NBAS: variants seen among roughly 807,000 people sequenced by gnomAD.
NBAS encodes NBAS subunit of NRZ tethering complex, also known as NAG/BC035112 fusion.
NBAS carries 219 observed loss-of-function variants against 302.5 expected under a neutral mutation model. The observed-to-expected ratio is 0.72, with a 90% CI of 0.65 to 0.81. The LOEUF (loss-of-function observed/expected upper bound fraction) is 0.81. Ranked by LOEUF, NBAS falls within the 30% of genes least tolerant of loss-of-function variation. NBAS has a pLI of 0.00. For synonymous variants in NBAS, 1,118 were observed against 1,021.6 expected, an observed-to-expected ratio of 1.09 and a Z score of -1.80; for missense variants, 2,932 against 2,841.6, an observed-to-expected ratio of 1.03 and a Z score of -0.72.
chr2:15,055,500 T>C, the NBAS span, among the ~76,000 whole-genome samples: 2 of 151,416 alleles, frequency 1.3e-5, no homozygotes, highest in Non-Finnish European at 2.9e-5. Context: ...CTTCTCCAGC[T>C]GGGGGGCGGG....
At chr2:14,874,215 T>C in the NBAS span, among the ~76,000 whole-genome samples, 2 of 152,012 alleles carry the variant, frequency 1.3e-5, no homozygotes, top group South Asian at 2.1e-4. Context: ...TCAAAAGAAA[T>C]AGGTAAATCA....
rs1670082093 is a variant in NBAS at position 15,287,173 on chromosome 2, C to T, written c.5038G>A (p.Glu1680Lys). 6.2e-7 allele frequency: 1 copy of T among 1,613,326 alleles called. No homozygotes were observed. The highest frequency in any genetic ancestry group is 1.1e-5 in the South Asian group (1 of 91,066). ...GAAATAGCAATGCTGTAGACGCTTT[C>T]CTCTAGAGTTCTGCAGAAATGTCCA... The part of the protein sequence containing the change: ...TILGLAETLE[E>K]SVYSIAISLA... Residue 1680 changes from glutamate (E) to lysine (K), a missense_variant, in exon 42 of 52, where the codon GAA (glutamate) becomes AAA (lysine). Glu to Lys is a moderately conservative substitution (Grantham distance 56, BLOSUM62 1). Coordinates refer to ENST00000281513, the MANE Select transcript of NBAS (RefSeq NM_015909.4).
intron 44 of NBAS, among the ~76,000 whole-genome samples, chr2:15,241,034 T>C (rs551325605): frequency 8.2e-4 from 125 of 152,094 alleles, no homozygotes; most frequent in Admixed American, 2.0e-3. Flanking sequence ...TCCAGAACAC[T>C]TGGTTACCAA....
chr2:14,931,582 T>A, the NBAS span, among the ~76,000 whole-genome samples: 2 of 152,202 alleles, frequency 1.3e-5, no homozygotes, highest in African/African-American at 4.8e-5. Flanking sequence ...CCCCAGTGTA[T>A]CCATGTCCTG....
At chr2:15,519,322 A>G (rs1284606570) in intron 9 of NBAS, among the ~76,000 whole-genome samples, 1 of 152,236 alleles carries the variant, frequency 6.6e-6, no homozygotes, top group Non-Finnish European at 1.5e-5. Context: ...GGGGGCTTGC[A>G]TTCCTTCTGT....
chr2:15,476,945 C>T (rs928202547), intron 13 of NBAS, among the ~76,000 whole-genome samples: 1 of 152,144 alleles, frequency 6.6e-6, no homozygotes, highest in Admixed American at 6.5e-5. Flanking sequence ...ATGAGACTAA[C>T]TCATTGTTTT....
intron 9 of NBAS, among the ~76,000 whole-genome samples, chr2:15,522,960 G>A (rs977853501): frequency 6.6e-6 from 1 of 152,146 alleles, no homozygotes; most frequent in Non-Finnish European, 1.5e-5. Flanking sequence ...GTACTGTACT[G>A]TATTTATCAA....
At chr2:15,475,511 T>C (rs1680149288) in intron 14 of NBAS, among the ~76,000 whole-genome samples, 176 bp downstream of exon 14, 1 of 152,192 alleles carries the variant, frequency 6.6e-6, no homozygotes, top group Non-Finnish European at 1.5e-5. Flanking sequence ...TCATTATAAT[T>C]GCAAATTTTT....
chr2:15,175,405 C>T (rs1664488607), intron 51 of NBAS, among the ~76,000 whole-genome samples: 2 of 152,214 alleles, frequency 1.3e-5, no homozygotes, highest in South Asian at 2.1e-4. Context: ...CGTTACAAAT[C>T]GGGAATTACA....
At chr2:14,900,408 A>G in the NBAS span, among the ~76,000 whole-genome samples, 1 of 152,152 alleles carries the variant, frequency 6.6e-6, no homozygotes, top group Admixed American at 6.5e-5. Flanking sequence ...GGAAACTGAG[A>G]TTTTTACCAC....
the NBAS span, among the ~76,000 whole-genome samples, chr2:15,011,951 G>A: frequency 6.6e-6 from 1 of 152,146 alleles, no homozygotes; most frequent in African/African-American, 2.4e-5. Flanking sequence ...CCATACAGTT[G>A]GAAGAGGCAA....
the NBAS span, among the ~76,000 whole-genome samples, chr2:15,029,372 C>G: frequency 6.6e-6 from 1 of 152,158 alleles, no homozygotes; most frequent in Non-Finnish European, 1.5e-5. Flanking sequence ...TCAGCTGATA[C>G]AGACTCGCTG....
chr2:14,962,390 T>C, the NBAS span, among the ~76,000 whole-genome samples: 1 of 152,036 alleles, frequency 6.6e-6, no homozygotes, highest in Non-Finnish European at 1.5e-5. Flanking sequence ...TTTTCAGAAA[T>C]CCAAACTAAA....
chr2:15,447,630 A>G (rs1678813403), intron 21 of NBAS, among the ~76,000 whole-genome samples: 1 of 152,168 alleles, frequency 6.6e-6, no homozygotes, highest in Non-Finnish European at 1.5e-5. Flanking sequence ...CCATAATTCA[A>G]TTAAAAGTGA....
At chr2:15,219,903 G>A (rs1243045812) in intron 47 of NBAS, among the ~76,000 whole-genome samples, 3 of 147,382 alleles carry the variant, frequency 2.0e-5, no homozygotes, top group African/African-American at 2.5e-5. Context: ...AGGGGCGGCC[G>A]GGCAGAAGCG....
chr2:15,173,015 G>A (rs1664367198), intron 51 of NBAS, among the ~76,000 whole-genome samples: 1 of 152,200 alleles, frequency 6.6e-6, no homozygotes, highest in Non-Finnish European at 1.5e-5. Flanking sequence ...CAAGTGCAGA[G>A]TCCAGGTTCA....
the NBAS span, among the ~76,000 whole-genome samples, chr2:15,017,963 A>T: frequency 6.6e-6 from 1 of 152,134 alleles, no homozygotes; most frequent in Non-Finnish European, 1.5e-5. Flanking sequence ...TTTAGCCATT[A>T]AAAAGAATGA....
At chr2:14,889,726 A>G in the NBAS span, among the ~76,000 whole-genome samples, 7 of 152,210 alleles carry the variant, frequency 4.6e-5, no homozygotes, top group Non-Finnish European at 1.0e-4. Flanking sequence ...GGCTAGATGT[A>G]GGAATTTGAC....
intron 3 of NBAS, 36 bp downstream of exon 3, chr2:15,556,747 T>G (rs917523261): frequency 4.6e-6 from 7 of 1,522,738 alleles, no homozygotes; most frequent in Non-Finnish European, 6.4e-6. Flanking sequence ...TTATATTTGA[T>G]GTTCATACTG....
Sources: allele counts gnomAD v4.1 joint callset (sites outside exome capture counted in the v4.1 genomes callset), GRCh38; gene constraint gnomAD v4.1.1; transcripts MANE v1.5; gene names NCBI Gene and HGNC (gene_info 2026-07-23, HGNC 2026-07-21).